The following UNC13C variants were observed in gnomAD, a reference collection of about 807,000 sequenced individuals.
The protein encoded by UNC13C is unc-13 homolog C, also known as protein unc-13 homolog C.
UNC13C carries 174 observed loss-of-function variants against 245.4 expected under a neutral mutation model. The observed-to-expected ratio is 0.71, with a 90% CI of 0.63 to 0.80. The LOEUF (loss-of-function observed/expected upper bound fraction) is 0.80, where lower values mean the gene tolerates loss of function less well. UNC13C is among the 30% of genes least tolerant of loss of function. The pLI is 0.00. For missense variants in UNC13C, 2,829 were observed against 2,602.9 expected (o/e 1.09, Z -1.89); for synonymous variants, 992 against 895.1 (o/e 1.11, Z -1.93).
chr15:54,114,243 C>A (rs1381903554), intron 2 of UNC13C, among the ~76,000 whole-genome samples: 1 of 152,192 alleles, frequency 6.6e-6, no homozygotes, highest in Non-Finnish European at 1.5e-5. Flanking sequence ...CTTTTCTTTT[C>A]ATTGACACTT....
At chr15:54,270,196 A>G (rs903713829) in intron 10 of UNC13C, among the ~76,000 whole-genome samples, 1 of 152,186 alleles carries the variant, frequency 6.6e-6, no homozygotes, top group Non-Finnish European at 1.5e-5. Context: ...CCTTTTCTTT[A>G]TAAACGGTTC....
chr15:54,293,629 T>C (rs1208494340), intron 10 of UNC13C, among the ~76,000 whole-genome samples: 1 of 152,000 alleles, frequency 6.6e-6, no homozygotes, highest in Non-Finnish European at 1.5e-5. Context: ...AGCAAAGATT[T>C]CTTACCCATA....
chr15:54,000,574 T>C (rs1222248830), intron 1 of UNC13C, among the ~76,000 whole-genome samples: 3 of 152,194 alleles, frequency 2.0e-5, no homozygotes, highest in Non-Finnish European at 4.4e-5. Flanking sequence ...CAGCCTCTTG[T>C]TCTTCACAGA....
At chr15:54,452,984 G>T (rs1194815906) in intron 19 of UNC13C, among the ~76,000 whole-genome samples, 1 of 152,194 alleles carries the variant, frequency 6.6e-6, no homozygotes, top group Non-Finnish European at 1.5e-5. Flanking sequence ...GAAATGCAGA[G>T]GCTGTTGGGG....
chr15:54,336,252 A>C (rs1217542205), intron 16 of UNC13C, among the ~76,000 whole-genome samples: 1 of 152,088 alleles, frequency 6.6e-6, no homozygotes, highest in Non-Finnish European at 1.5e-5. Flanking sequence ...AATCTAGCTA[A>C]TTAACGTATG....
chr15:53,976,016 A>T (rs1893683042), upstream of UNC13C, among the ~76,000 whole-genome samples: 1 of 152,206 alleles, frequency 6.6e-6, no homozygotes. Context: ...CTTACTGTTG[A>T]AATCTCATCG....
At chr15:54,174,088 A>C (rs1232452996) in intron 4 of UNC13C, among the ~76,000 whole-genome samples, 1 of 152,098 alleles carries the variant, frequency 6.6e-6, no homozygotes, top group African/African-American at 2.4e-5. Flanking sequence ...TGAATTTGCT[A>C]AATGCAACTT....
At chr15:54,075,909 G>A in intron 2 of UNC13C, among the ~76,000 whole-genome samples, 1 of 151,960 alleles carries the variant, frequency 6.6e-6, no homozygotes, top group East Asian at 1.9e-4. Flanking sequence ...AAGCTCAACA[G>A]GACTTTAGAG....
chr15:54,420,130 A>G lies in UNC13C; in HGVS notation c.4933+5063A>G, dbSNP rs143467985. Among the ~76,000 whole-genome samples, 219 of 152,236 alleles carry G rather than the reference A, an allele frequency of 1.4e-3. 1 individual carries two copies. The highest frequency in any genetic ancestry group is 5.1e-3 in the African/African-American group (212 of 41,554). ...CTCAGCTTGGATACCTAAAAAATATAAGGTTTAGGGTTAGTGTATCAGTTA... is the reference window on the plus strand; with the variant it reads ...CTCAGCTTGGATACCTAAAAAATATGAGGTTTAGGGTTAGTGTATCAGTTA... On this transcript the variant is annotated intron_variant, in intron 19 of 32. Transcript: ENST00000260323.
the UNC13C span, among the ~76,000 whole-genome samples, chr15:53,910,078 A>G: frequency 1.4e-5 from 2 of 144,070 alleles, no homozygotes; most frequent in African/African-American, 4.9e-5. Context: ...CACAGGACTT[A>G]AAGGAAAACT....
chr15:54,132,420 T>C (rs1051903460), intron 2 of UNC13C, among the ~76,000 whole-genome samples: 2 of 152,140 alleles, frequency 1.3e-5, no homozygotes, highest in African/African-American at 4.8e-5. Flanking sequence ...TGATCAAAGG[T>C]ATGTGAGTTA....
At chr15:54,050,687 C>A in intron 2 of UNC13C, 1 of 531,128 alleles carries the variant, frequency 1.9e-6, no homozygotes, top group South Asian at 1.5e-5. Context: ...CTTTGGAAAC[C>A]GGTGAAGATC....
chr15:53,909,914 G>A, the UNC13C span, among the ~76,000 whole-genome samples: 4 of 145,706 alleles, frequency 2.7e-5, 1 homozygote, highest in African/African-American at 9.8e-5. Context: ...GTGTTACCTC[G>A]GTTTTGCTGG....
At chr15:54,040,382 A>G (rs1896761007) in intron 2 of UNC13C, among the ~76,000 whole-genome samples, 2 of 152,114 alleles carry the variant, frequency 1.3e-5, no homozygotes, top group South Asian at 4.1e-4. Context: ...GTGAACCAGC[A>G]TGATGCTATC....
intron 4 of UNC13C, among the ~76,000 whole-genome samples, chr15:54,188,339 A>G (rs2034066762): frequency 6.6e-6 from 1 of 152,314 alleles, no homozygotes. Flanking sequence ...TGTGATTATA[A>G]AGAGGTAAAC....
chr15:54,190,038 C>G (rs1292343262), intron 4 of UNC13C, among the ~76,000 whole-genome samples: 1 of 152,076 alleles, frequency 6.6e-6, no homozygotes, highest in South Asian at 2.1e-4. Context: ...ACAAAATTGT[C>G]CAGTGAGGGA....
chr15:54,065,331 G>A (rs751050247), intron 2 of UNC13C, among the ~76,000 whole-genome samples: 9 of 152,106 alleles, frequency 5.9e-5, no homozygotes, highest in Non-Finnish European at 8.8e-5. Flanking sequence ...TCCACTCTCC[G>A]ATATGCTTTT....
At chr15:53,864,930 A>T in the UNC13C span, among the ~76,000 whole-genome samples, 4 of 152,174 alleles carry the variant, frequency 2.6e-5, no homozygotes, top group East Asian at 7.7e-4. Flanking sequence ...TGGTGTAGTA[A>T]GTACAAAAGG....
At chr15:54,358,300 G>C (rs993720853) in intron 17 of UNC13C, among the ~76,000 whole-genome samples, 9 of 151,934 alleles carry the variant, frequency 5.9e-5, no homozygotes, top group African/African-American at 2.2e-4. Context: ...TTGGATATTT[G>C]GGTCTTTTGT....
Sources: allele counts gnomAD v4.1 joint callset (sites outside exome capture counted in the v4.1 genomes callset), GRCh38; gene constraint gnomAD v4.1.1; transcripts MANE v1.5; gene names NCBI Gene and HGNC (gene_info 2026-07-23, HGNC 2026-07-21).